Variants in FBXL17 observed in about 807,000 individuals in gnomAD.
The protein encoded by FBXL17 is F-box and leucine rich repeat protein 17.
Under a neutral mutation model 66.2 loss-of-function variants are expected in FBXL17, and 22 were observed. The ratio of observed to expected loss-of-function variants is 0.33; its 90% CI spans 0.24 to 0.47. The LOEUF is 0.47. Among genes scored for constraint, FBXL17 ranks in the 20% least tolerant of loss-of-function variants. The pLI, the probability that FBXL17 is intolerant of heterozygous loss-of-function variation, is 1.00. For missense variants in FBXL17, 878 were observed against 948.2 expected, an observed-to-expected ratio of 0.93 and a Z score of 0.97; for synonymous variants, 474 against 400.5, an observed-to-expected ratio of 1.18 and a Z score of -2.19.
chr5:108,184,603 A>G (rs1244650901), intron 6 of FBXL17, among the ~76,000 whole-genome samples: 3 of 151,730 alleles, frequency 2.0e-5, no homozygotes, highest in South Asian at 4.2e-4. Context: ...CACCGTGCCC[A>G]GCCAGTGGTG....
intron 4 of FBXL17, among the ~76,000 whole-genome samples, chr5:108,272,732 A>G (rs1236543147): frequency 6.6e-6 from 1 of 152,214 alleles, no homozygotes; most frequent in Non-Finnish European, 1.5e-5. Context: ...GATAAAATCA[A>G]TATTATTGTC....
intron 7 of FBXL17, among the ~76,000 whole-genome samples, chr5:107,954,159 A>C (rs1434344411): frequency 6.6e-6 from 1 of 152,266 alleles, no homozygotes; most frequent in Non-Finnish European, 1.5e-5. Context: ...CTGAGTTCTG[A>C]ATAAATATTC....
rs75568173 is a variant in FBXL17 at position 107,977,354 on chromosome 5, C to G, written c.1822+43571G>C. Among the ~76,000 whole-genome samples, 714 of 152,226 alleles carry G rather than the reference C, an allele frequency of 4.7e-3. 3 individuals are homozygous for G. Among genetic ancestry groups the G allele is most frequent in the African/African-American group, 0.015 (635 of 41,530 alleles). ...ACACACACGTAATTTAATGAGTGCC[C>G]TACTATAATGCTAGGAACTTTACAT... On this transcript the variant is annotated intron_variant, in intron 7 of 8. Transcript: ENST00000542267.
At chr5:108,331,661 A>G (rs914675231) in intron 4 of FBXL17, among the ~76,000 whole-genome samples, 4 of 152,220 alleles carry the variant, frequency 2.6e-5, no homozygotes, top group Non-Finnish European at 5.9e-5. Context: ...ATTGATAAGT[A>G]AAACATAAAA....
intron 6 of FBXL17, among the ~76,000 whole-genome samples, chr5:108,133,128 G>A (rs1004011264): frequency 1.3e-5 from 2 of 152,126 alleles, no homozygotes; most frequent in South Asian, 4.1e-4. Flanking sequence ...CAAGCACTAT[G>A]ATGACAATTT....
At chr5:108,359,005 G>A (rs886066665) in intron 3 of FBXL17, among the ~76,000 whole-genome samples, 1 of 151,982 alleles carries the variant, frequency 6.6e-6, no homozygotes. Context: ...ATGAGTAGCT[G>A]GAACTCAGAA....
chr5:107,933,515 T>C (rs1049943363), intron 7 of FBXL17, among the ~76,000 whole-genome samples: 4 of 152,132 alleles, frequency 2.6e-5, no homozygotes, highest in Non-Finnish European at 1.5e-5. Context: ...CGCAAAGAAA[T>C]GGAAAATCTA....
chr5:108,094,830 C>A, intron 6 of FBXL17, among the ~76,000 whole-genome samples: 1 of 150,074 alleles, frequency 6.7e-6, no homozygotes, highest in South Asian at 2.1e-4. Flanking sequence ...CTTTAGAAGC[C>A]TAAATTTTGA....
intron 6 of FBXL17, among the ~76,000 whole-genome samples, chr5:108,081,883 C>T (rs1040605534): frequency 1.3e-5 from 2 of 152,198 alleles, no homozygotes; most frequent in Admixed American, 6.5e-5. Context: ...TCTACTCTCT[C>T]CGAGTAAATT....
chr5:108,262,167 C>T lies in FBXL17; in HGVS notation c.1507-37939G>A, dbSNP rs548590543. On this transcript the variant is annotated intron_variant, in intron 4 of 8. Coordinates refer to ENST00000542267, the MANE Select transcript of FBXL17 (RefSeq NM_001163315.3). ...TCTTGGCTCACTGCAAGCTCCGCCT[C>T]CCGGGTTCACGCCATTCTCCTGCCT... is the stretch of plus-strand genomic sequence containing the variant. Among the ~76,000 whole-genome samples the T allele has an allele frequency of 3.3e-4, 50 of 151,186 alleles. No homozygotes were observed. The South Asian group carries it at 0.01, about 31-fold the overall frequency.
At chr5:108,085,854 G>A (rs1264070561) in intron 6 of FBXL17, among the ~76,000 whole-genome samples, 11 of 152,150 alleles carry the variant, frequency 7.2e-5, no homozygotes, top group African/African-American at 2.7e-4. Context: ...AGACTGGGAG[G>A]CAATGGCTGC....
chr5:108,319,358 T>C (rs948642669), intron 4 of FBXL17, among the ~76,000 whole-genome samples: 3 of 151,902 alleles, frequency 2.0e-5, no homozygotes, highest in South Asian at 2.1e-4. Flanking sequence ...AAATATCTTA[T>C]TTCTTGAATT....
At chr5:107,946,489 T>C (rs1751302246) in intron 7 of FBXL17, among the ~76,000 whole-genome samples, 1 of 143,182 alleles carries the variant, frequency 7.0e-6, no homozygotes, top group Non-Finnish European at 1.5e-5. Context: ...TATTATTTTG[T>C]AGAGATGAGG....
intron 6 of FBXL17, among the ~76,000 whole-genome samples, chr5:108,167,217 C>T (rs1252162093): frequency 6.6e-6 from 1 of 152,152 alleles, no homozygotes; most frequent in Non-Finnish European, 1.5e-5. Flanking sequence ...AAGTAACCTT[C>T]AAGAATCTGC....
chr5:108,009,455 A>AT (rs1754095974), intron 7 of FBXL17, among the ~76,000 whole-genome samples: 1 of 150,954 alleles, frequency 6.6e-6, no homozygotes, highest in Admixed American at 6.6e-5. Context: ...TCACTCAGTC[A>AT]TTTTCAATGA....
intron 8 of FBXL17, among the ~76,000 whole-genome samples, chr5:107,877,403 G>C (rs1748646291): frequency 6.6e-6 from 1 of 152,188 alleles, no homozygotes; most frequent in South Asian, 2.1e-4. Context: ...AAGAGAGACG[G>C]CGGGTGGGGG....
chr5:108,320,100 A>G (rs1759547568), intron 4 of FBXL17, among the ~76,000 whole-genome samples: 1 of 151,716 alleles, frequency 6.6e-6, no homozygotes, highest in Non-Finnish European at 1.5e-5. Flanking sequence ...CTAGCTAGAA[A>G]TTATTTCACC....
chr5:108,313,106 T>C lies in FBXL17; in HGVS notation c.1506+35293A>G, dbSNP rs1427949685. 3.9e-5 allele frequency among the ~76,000 whole-genome samples: 6 copies of C among 152,246 alleles called. No individual in the cohort carries two copies. The East Asian group carries it at 1.2e-3, about 29-fold the overall frequency. On this transcript the variant is annotated intron_variant, in intron 4 of 8. Transcript: ENST00000542267. ...TCTAACTTCTGCTCTTGGGTCATCT[T>C]TACTGCTTAGCCATCGAAGAAATAA... is the stretch of plus-strand genomic sequence containing the variant.
chr5:108,250,651 T>C (rs948954400), intron 4 of FBXL17, among the ~76,000 whole-genome samples: 1 of 152,058 alleles, frequency 6.6e-6, no homozygotes, highest in Non-Finnish European at 1.5e-5. Context: ...GTAAAACATG[T>C]ATTGGGTTAG....
Sources: allele counts gnomAD v4.1 joint callset (sites outside exome capture counted in the v4.1 genomes callset), GRCh38; gene constraint gnomAD v4.1.1; transcripts MANE v1.5; gene names NCBI Gene and HGNC (gene_info 2026-07-23, HGNC 2026-07-21).